ZPBP: variants seen among roughly 807,000 people sequenced by gnomAD.
ZPBP encodes zona pellucida binding protein.
In ZPBP, 26 loss-of-function variants were observed where a neutral mutation model predicts 44.8. The observed-to-expected ratio is 0.58, with a 90% CI of 0.43 to 0.81. ZPBP has a LOEUF of 0.81. ZPBP is among the 30% of genes least tolerant of loss of function. The pLI is 0.00. For synonymous variants in ZPBP, 174 were observed against 153.2 expected (o/e 1.14, Z -1.00); for missense variants, 409 against 434.0 (o/e 0.94, Z 0.51).
chr7:49,880,171 T>G (rs1437721034), intron 2 of ZPBP, among the ~76,000 whole-genome samples: 1 of 152,210 alleles, frequency 6.6e-6, no homozygotes, highest in East Asian at 1.9e-4. Flanking sequence ...TAAGAGTATC[T>G]GCTAAATTTT....
chr7:49,857,437 G>A (rs1790472279), intron 2 of ZPBP, among the ~76,000 whole-genome samples: 1 of 152,110 alleles, frequency 6.6e-6, no homozygotes, highest in African/African-American at 2.4e-5. Flanking sequence ...TCTGTCCAGG[G>A]GCACTTGAGT....
chr7:49,875,395 A>AAAAAAAAAAAAAAAAAAAAAC, intron 2 of ZPBP, among the ~76,000 whole-genome samples: 1 of 149,490 alleles, frequency 6.7e-6, no homozygotes, highest in African/African-American at 2.5e-5. Context: ...AAAAAAAAAA[A>AAAAAAAAAAAAAAAAAAAAAC]AACAGGAATA....
At chr7:50,082,830 T>C (rs941435936) in intron 2 of ZPBP, among the ~76,000 whole-genome samples, 5 of 151,882 alleles carry the variant, frequency 3.3e-5, no homozygotes, top group African/African-American at 1.2e-4. Context: ...TTGAGGTGAT[T>C]TTTTTCTTTT....
intron 4 of ZPBP, among the ~76,000 whole-genome samples, chr7:50,045,471 T>C (rs13243721): frequency 0.49 from 74,494 of 151,986 alleles, 18,875 homozygotes; most frequent in East Asian, 0.67. Flanking sequence ...ACAAAATCAA[T>C]GTGCAAAAAT....
In ZPBP at chr7:50,007,091, G is replaced by GA. The variant is rs1798345909; in HGVS notation, c.783+11148dup. Among the ~76,000 whole-genome samples, 6 of 151,976 alleles carry GA rather than the reference G, an allele frequency of 3.9e-5. 1 individual carries two copies. In the South Asian group the frequency reaches 1.3e-3, roughly 32 times the overall value. ...TCTACTATGTGAGAACCAACCAAGA[G>GA]AAGGCACTATCTCTATGAAACAGAC... On this transcript the variant is annotated intron_variant, in intron 6 of 7. Transcript: ENST00000046087.
intron 7 of ZPBP, among the ~76,000 whole-genome samples, chr7:49,967,589 T>C (rs1162004081): frequency 2.6e-5 from 4 of 152,128 alleles, no homozygotes; most frequent in Non-Finnish European, 5.9e-5. Flanking sequence ...TCTTGTTGCC[T>C]AGGCTGAAGG....
At chr7:49,915,229 T>A (rs991604543) in intron 1 of ZPBP, 1 of 152,186 alleles carries the variant, frequency 6.6e-6, no homozygotes, top group Non-Finnish European at 1.5e-5. Flanking sequence ...GCAAGAAGTA[T>A]TAGATGCACT....
intron 4 of ZPBP, among the ~76,000 whole-genome samples, chr7:50,037,272 G>C (rs1015554879): frequency 2.6e-5 from 4 of 152,134 alleles, no homozygotes; most frequent in African/African-American, 9.7e-5. Flanking sequence ...CCATTAAACA[G>C]TCTTTGGAAA....
chr7:49,996,026 A>C (rs1240703092), intron 6 of ZPBP, among the ~76,000 whole-genome samples: 1 of 152,354 alleles, frequency 6.6e-6, no homozygotes, highest in East Asian at 1.9e-4. Flanking sequence ...GTATTCCCAC[A>C]CATTAAATTA....
chr7:50,005,515 T>C (rs1180917693), intron 6 of ZPBP, among the ~76,000 whole-genome samples: 2 of 152,042 alleles, frequency 1.3e-5, no homozygotes, highest in Non-Finnish European at 2.9e-5. Flanking sequence ...TAAAGGAGTA[T>C]AGATTTTGCA....
At chr7:50,008,127 A>G (rs1166712267) in intron 6 of ZPBP, among the ~76,000 whole-genome samples, 2 of 152,112 alleles carry the variant, frequency 1.3e-5, no homozygotes, top group African/African-American at 4.8e-5. Context: ...AACTTGTAAG[A>G]TTCCACACCA....
At chr7:49,874,052 A>T (rs1313329373) in intron 2 of ZPBP, among the ~76,000 whole-genome samples, 4 of 152,146 alleles carry the variant, frequency 2.6e-5, no homozygotes, top group African/African-American at 9.7e-5. Context: ...CATACATGGC[A>T]TATTTTGCTA....
intron 2 of ZPBP, among the ~76,000 whole-genome samples, chr7:49,867,921 C>T (rs6953702): frequency 0.67 from 101,909 of 151,522 alleles, 35,142 homozygotes; most frequent in East Asian, 0.88. Context: ...GCAATCTCCG[C>T]CTCCCAAGTT....
At chr7:49,841,907 C>A in the ZPBP span, among the ~76,000 whole-genome samples, 1 of 151,850 alleles carries the variant, frequency 6.6e-6, no homozygotes, top group African/African-American at 2.4e-5. Flanking sequence ...GCTCTTATTG[C>A]CCAGACTGCA....
chr7:50,017,178 T>C (rs1282753216), intron 6 of ZPBP, among the ~76,000 whole-genome samples: 1 of 152,136 alleles, frequency 6.6e-6, no homozygotes, highest in Non-Finnish European at 1.5e-5. Context: ...TCTGAGCTTG[T>C]CTTCCTGCAA....
chr7:49,894,697 G>A (rs1207757186), intron 2 of ZPBP, among the ~76,000 whole-genome samples: 1 of 152,204 alleles, frequency 6.6e-6, no homozygotes, highest in East Asian at 1.9e-4. Context: ...CGTGGGTGGG[G>A]GCCTAGGGCT....
intron 7 of ZPBP, among the ~76,000 whole-genome samples, chr7:49,978,073 G>T (rs10046524): frequency 0.8 from 118,776 of 149,016 alleles, 47,480 homozygotes; most frequent in East Asian, 0.89. Context: ...GTTTGTTTTT[G>T]GTTTTTTGTT....
intron 2 of ZPBP, among the ~76,000 whole-genome samples, chr7:50,082,553 A>G (rs1488980203): frequency 6.6e-6 from 1 of 151,906 alleles, no homozygotes; most frequent in African/African-American, 2.4e-5. Context: ...GGTTGCAACA[A>G]CCCTTTAGAC....
At chr7:49,922,408 T>C (rs897885669) in intron 1 of ZPBP, among the ~76,000 whole-genome samples, 4 of 152,196 alleles carry the variant, frequency 2.6e-5, no homozygotes, top group Non-Finnish European at 5.9e-5. Flanking sequence ...AAAGTATTTT[T>C]TCTTAAGGCT....
Sources: gnomAD v4.1 joint callset for allele counts (sites outside exome capture counted in the v4.1 genomes callset) on GRCh38, gnomAD v4.1.1 for gene constraint, MANE v1.5 for transcripts, NCBI Gene and HGNC (gene_info 2026-07-23, HGNC 2026-07-21) for gene names.